HPS1: variants seen among roughly 807,000 people sequenced by gnomAD.
HPS1 encodes HPS1 biogenesis of lysosomal organelles complex 3 subunit 1, also known as BLOC-3 complex member HPS1.
A neutral mutation model predicts 90.6 loss-of-function variants in HPS1; 59 were observed. That is an observed-to-expected ratio of 0.65 (90% CI 0.53 to 0.81). HPS1 has a LOEUF of 0.81. Among genes scored for constraint, HPS1 ranks in the 30% least tolerant of loss-of-function variants. HPS1 has a pLI of 0.00. For synonymous variants in HPS1, 388 were observed against 384.4 expected, an observed-to-expected ratio of 1.01 and a Z score of -0.11; for missense variants, 849 against 896.7, an observed-to-expected ratio of 0.95 and a Z score of 0.68.
Position 98,435,598 on chromosome 10 carries a change from G to C in HPS1, c.255+37C>G. On this transcript the variant is annotated intron_variant, in intron 4 of 19. Transcript: ENST00000361490. This position sits in a 1 kb window ranked among gnomAD's most constrained non-coding sequence, Gnocchi z 4.3. The stretch of plus-strand genomic sequence containing the variant: ...GCCTGTGGACTCCCCATCAAGCTGA[G>C]GGAAGAGGAACATGGGCCCCAGAGC... 6.2e-7 allele frequency: 1 copy of C among 1,613,802 alleles called. No individual in the cohort carries two copies. The highest frequency in any genetic ancestry group is 8.5e-7 in the Non-Finnish European group (1 of 1,179,778).
intron 10 of HPS1, chr10:98,429,314 G>A: frequency 7.1e-7 from 1 of 1,414,404 alleles, no homozygotes; most frequent in Non-Finnish European, 9.2e-7. Flanking sequence ...GAGAATGCAT[G>A]TACAGAAGTT....
At chr10:98,429,734 C>T (rs914201283) in intron 9 of HPS1, 57 bp downstream of exon 9, 31 of 1,613,482 alleles carry the variant, frequency 1.9e-5, no homozygotes, top group East Asian at 1.3e-4. Flanking sequence ...AAGGCCTGGT[C>T]GCCTGCAGAG....
At chr10:98,431,073 T>C (rs1178126023) in intron 7 of HPS1, 58 bp downstream of exon 7, 4 of 1,574,012 alleles carry the variant, frequency 2.5e-6, no homozygotes, top group Admixed American at 1.7e-5. Flanking sequence ...GCAGAGGCCA[T>C]AGGGGAGTGA....
At position 98,429,620 on chromosome 10, in the gene HPS1, G is replaced by A; in HGVS notation, c.890C>T (p.Pro297Leu). Residue 297 changes from proline to leucine, a missense_variant, in exon 10 of 20, where the codon CCT becomes CTT. Pro to Leu is a moderately conservative substitution (Grantham distance 98, BLOSUM62 -3). Transcript: ENST00000361490. ...AETETDSFSL[P>L]EEYFTPAPSP... Reference sequence around the variant, plus strand: ...AGGAGCTGGTGTGAAGTACTCCTCAGGGAGGGAGAAGCTGTCTGTCTCCTG... The same window carrying A: ...AGGAGCTGGTGTGAAGTACTCCTCAAGGAGGGAGAAGCTGTCTGTCTCCTG... 1 of 1,614,220 alleles carries A rather than the reference G, an allele frequency of 6.2e-7. No individual in the cohort carries two copies. Among genetic ancestry groups the A allele is most frequent in the Non-Finnish European group, 8.5e-7 (1 of 1,180,044 alleles).
At position 98,429,814 on chromosome 10, in the gene HPS1, T is replaced by C. The variant is rs746827841; in HGVS notation, c.844A>G (p.Thr282Ala). The C allele has an allele frequency of 7.4e-6, 12 of 1,613,628 alleles. No individual in the cohort carries two copies. The highest frequency in any genetic ancestry group is 9.3e-6 in the Non-Finnish European group (11 of 1,179,996). Reference protein sequence around the residue: ...QAWSPHSTGPTGGSSAETETD... With the variant: ...QAWSPHSTGPAGGSSAETETD... ...ACCGTCTCTGCAGAGCTCCCCCCAGTTGGGCCCGTGGAGTGAGGGCTCCAG... is the reference window on the plus strand; with the variant it reads ...ACCGTCTCTGCAGAGCTCCCCCCAGCTGGGCCCGTGGAGTGAGGGCTCCAG... Residue 282 changes from threonine (T) to alanine (A), a missense_variant, in exon 9 of 20, where the codon ACT (threonine) becomes GCT (alanine). Coordinates refer to ENST00000361490, the MANE Select transcript of HPS1 (RefSeq NM_000195.5).
intron 5 of HPS1, among the ~76,000 whole-genome samples, chr10:98,434,894 GGA>G (rs58640079): frequency 0.28 from 41,939 of 151,910 alleles, 6,557 homozygotes; most frequent in South Asian, 0.41. Flanking sequence ...GTGTTTTTCT[GGA>G]GAGAGAGTCT....
downstream of HPS1, among the ~76,000 whole-genome samples, chr10:98,415,720 A>G (rs8181292): frequency 0.38 from 58,320 of 152,190 alleles, 12,881 homozygotes; most frequent in African/African-American, 0.6. Flanking sequence ...CCGCAGAGGC[A>G]GCTGTGTCTG....
intron 10 of HPS1, among the ~76,000 whole-genome samples, chr10:98,428,743 T>A (rs1461111711): frequency 6.7e-6 from 1 of 149,180 alleles, no homozygotes; most frequent in Non-Finnish European, 1.5e-5. Context: ...ATAAATGTAA[T>A]GTTTATTCAT....
rs17109845 is a variant in HPS1, at chr10:98,423,463, T to C, written c.1598+140A>G. 6,609 of 819,334 alleles carry C rather than the reference T, an allele frequency of 8.1e-3. 266 individuals are homozygous for C. The African/African-American group carries it at 0.091, about 11-fold the overall frequency. The allele number at this position is 819,334 out of a possible 1,614,324, so 50.8% of individuals were successfully genotyped here. A position where few individuals can be genotyped will look rare whatever the true frequency, so the allele number is the denominator to read the frequency against. ...GGGCCACTATGTCCCATTATTTTCC[T>C]TCAGAGAGGTGGTGAGCAGCTGATG... On this transcript the variant is annotated intron_variant, in intron 16 of 19. Transcript: ENST00000361490.
Position 98,420,164 on chromosome 10 carries a change from GAA to G in HPS1, c.1744-8_1744-7del. The stretch of plus-strand genomic sequence containing the variant: ...AGCTGGATCAGAGACCAGACCTGGG[GAA>G]AAGACAGCAAGCATCACCACTCTCC... On this transcript the variant is annotated splice_polypyrimidine_tract_variant and splice_region_variant and intron_variant, in intron 17 of 19. Coordinates refer to ENST00000361490, the MANE Select transcript of HPS1 (RefSeq NM_000195.5). The G allele has an allele frequency of 6.2e-7, 1 of 1,600,514 alleles. No individual in the cohort carries two copies. Among genetic ancestry groups the G allele is most frequent in the South Asian group, 1.1e-5 (1 of 90,778 alleles).
intron 3 of HPS1, among the ~76,000 whole-genome samples, chr10:98,437,730 G>A (rs1479085322): frequency 6.6e-6 from 1 of 152,198 alleles, no homozygotes; most frequent in Non-Finnish European, 1.5e-5. Flanking sequence ...TTAACAGAAT[G>A]TATCACCATC....
At chr10:98,430,481 C>T in intron 8 of HPS1, 90 bp downstream of exon 8, 1 of 945,350 alleles carries the variant, frequency 1.1e-6, no homozygotes, top group Non-Finnish European at 1.7e-6. Flanking sequence ...AACATGGAGT[C>T]CCCAGGGGGA....
downstream of HPS1, chr10:98,414,989 G>A (rs368162969): frequency 1.9e-6 from 3 of 1,607,350 alleles, no homozygotes; most frequent in Admixed American, 3.4e-5. Flanking sequence ...GCTCTGGCCC[G>A]GCCTGCTTTA....
At chr10:98,426,637 C>T (rs1845637312) in intron 11 of HPS1, among the ~76,000 whole-genome samples, 1 of 152,160 alleles carries the variant, frequency 6.6e-6, no homozygotes, top group African/African-American at 2.4e-5. Context: ...TCATTACAAA[C>T]CACACTGTGG....
intron 18 of HPS1, 90 bp downstream of exon 18, chr10:98,419,955 C>CA: frequency 1.1e-6 from 1 of 913,624 alleles, no homozygotes; most frequent in South Asian, 1.3e-5. Context: ...ATGAGACAGA[C>CA]AGACAACAAT....
At chr10:98,442,630 C>G (rs1938641232) in intron 3 of HPS1, 1 of 196,052 alleles carries the variant, frequency 5.1e-6, no homozygotes, top group Non-Finnish European at 1.1e-5. Context: ...CTCAACCTCC[C>G]AAGTAGCTGG....
rs1844362740 is a variant in HPS1 at position 98,418,195 on chromosome 10, C to G, written c.1920G>C (p.Met640Ile). 1 of 1,608,480 alleles carries G rather than the reference C, an allele frequency of 6.2e-7. No homozygotes were observed. The highest frequency in any genetic ancestry group is 1.1e-5 in the South Asian group (1 of 90,440). ...GTCACCTGTAGTAGTCTCCTCCCAG[C>G]ATGCCGATAGGCACTGAGTCGTCGG... Reference protein sequence around the residue: ...VLSDDSVPIGMLGGDYYRKLL... With the variant: ...VLSDDSVPIGILGGDYYRKLL... The change falls in exon 19 of 20, where the codon ATG becomes ATC. Residue 640 changes from methionine (M) to isoleucine (I), a missense_variant. By Grantham distance (10) the Met-to-Ile change is conservative (BLOSUM62 1). Transcript: ENST00000361490.
At position 98,418,970 on chromosome 10, in the gene HPS1, G is replaced by A. The variant is rs113985321; in HGVS notation, c.1858-713C>T. Among the ~76,000 whole-genome samples the A allele has an allele frequency of 3.0e-3, 455 of 152,342 alleles. 1 individual carries two copies. The highest frequency in any genetic ancestry group is 0.01 in the Middle Eastern group (3 of 294). On this transcript the variant is annotated intron_variant, in intron 18 of 19. Coordinates refer to ENST00000361490, the MANE Select transcript of HPS1 (RefSeq NM_000195.5). ...CTTCTGAGGGCACGGAGGAAAGCTGGGAGCCTGCAGGCCGGGGGAGCAGAG... is the reference window on the plus strand; with the variant it reads ...CTTCTGAGGGCACGGAGGAAAGCTGAGAGCCTGCAGGCCGGGGGAGCAGAG...
At chr10:98,432,449 T>C (rs1441828627) in intron 6 of HPS1, among the ~76,000 whole-genome samples, 1 of 152,260 alleles carries the variant, frequency 6.6e-6, no homozygotes, top group East Asian at 1.9e-4. Flanking sequence ...TAATAGGTAC[T>C]ATATGTTTAT....
Sources: gnomAD v4.1 joint callset for allele counts (sites outside exome capture counted in the v4.1 genomes callset) on GRCh38, gnomAD v4.1.1 for gene constraint, Gnocchi (gnomAD v3.1) non-coding constraint, MANE v1.5 for transcripts, NCBI Gene and HGNC (gene_info 2026-07-23, HGNC 2026-07-21) for gene names.